Variants in ZFHX4 observed in about 807,000 individuals in gnomAD.
ZFHX4 encodes the protein zinc finger homeobox protein 4.
ZFHX4 carries 56 observed loss-of-function variants against 267.6 expected under a neutral mutation model. That is an observed-to-expected ratio of 0.21 (90% confidence interval 0.17 to 0.26). ZFHX4 has a LOEUF of 0.26. Among genes scored for constraint, ZFHX4 ranks in the 10% least tolerant of loss-of-function variants. The pLI is 1.00. For missense variants in ZFHX4, 4,332 were observed against 4,420.0 expected (o/e 0.98, Z 0.56); for synonymous variants, 1,778 against 1,665.6 (o/e 1.07, Z -1.64).
chr8:76,775,671 C>A (rs1029162410), intron 3 of ZFHX4, among the ~76,000 whole-genome samples: 2 of 152,132 alleles, frequency 1.3e-5, no homozygotes, highest in African/African-American at 4.8e-5. Context: ...CACCTGCAGG[C>A]TTCCTGGCAC....
At chr8:76,706,786 A>C (rs1378498044) in intron 2 of ZFHX4, 108 bp downstream of exon 2, 2 of 1,195,616 alleles carry the variant, frequency 1.7e-6, no homozygotes, top group African/African-American at 1.5e-5. Context: ...AGGACAGCTT[A>C]CTAGAAAGGA....
intron 4 of ZFHX4, among the ~76,000 whole-genome samples, chr8:76,783,214 G>A (rs879574146): frequency 1.3e-5 from 2 of 152,020 alleles, no homozygotes; most frequent in Non-Finnish European, 2.9e-5. Context: ...ATCTTCCACA[G>A]AGTGCTGGAA....
At position 76,681,260 on chromosome 8, in the gene ZFHX4, C is replaced by A. The variant is rs1480689089; in HGVS notation, c.-407C>A. ...TCGGGAATAGACACACAAAGACATG[C>A]GCACTCAACTTAATCAGCCATTTTT... On this transcript the variant is annotated 5_prime_UTR_variant, in exon 1 of 11. Coordinates refer to ENST00000651372, the MANE Select transcript of ZFHX4 (RefSeq NM_024721.5). 1 of 397,528 alleles carries A rather than the reference C, an allele frequency of 2.5e-6. No individual in the cohort carries two copies. Among genetic ancestry groups the A allele is most frequent in the Non-Finnish European group, 4.4e-6 (1 of 225,506 alleles). 24.6% of individuals were successfully genotyped at this position (397,528 alleles called of 1,614,324 possible).
intron 5 of ZFHX4, among the ~76,000 whole-genome samples, chr8:76,842,280 T>C (rs1812254517): frequency 6.6e-6 from 1 of 152,208 alleles, no homozygotes; most frequent in African/African-American, 2.4e-5. Flanking sequence ...GTTTTCTTTT[T>C]CCTGACATCT....
rs755881840 is a variant in ZFHX4, at chr8:76,855,614, G to T, written c.8693G>T (p.Arg2898Leu). Residue 2898 changes from arginine (R) to leucine (L), a missense_variant, in exon 10 of 11, where the codon CGC (arginine) becomes CTC (leucine). Arg to Leu is a moderately radical substitution (Grantham distance 102). This residue lies in a region of ZFHX4 where 1,648 missense variants were observed against 1,625.0 expected (regional missense o/e 1.01). Transcript: ENST00000651372. Reference sequence around the variant, plus strand: ...GATGACCCGGATGACAACGCCGACCGCAGCGAAACGTCCAGCATAGCGGAC... The same window carrying T: ...GATGACCCGGATGACAACGCCGACCTCAGCGAAACGTCCAGCATAGCGGAC... ...ITDDPDDNAD[R>L]SETSSIADPS... The T allele has an allele frequency of 1.4e-5, 22 of 1,613,552 alleles. No individual in the cohort carries two copies. The highest frequency in any genetic ancestry group is 1.8e-5 in the Non-Finnish European group (21 of 1,179,736).
At chr8:76,782,663 A>T (rs1002970914) in intron 4 of ZFHX4, among the ~76,000 whole-genome samples, 4 of 151,998 alleles carry the variant, frequency 2.6e-5, no homozygotes, top group African/African-American at 9.7e-5. Context: ...GACTATCGAC[A>T]TTCCTGACAT....
At position 76,724,483 on chromosome 8, in the gene ZFHX4, G is replaced by A. The variant is rs79273301; in HGVS notation, c.3093+16435G>A. ...GTTTTGCCTCTTAGGACAAGAGTCT[G>A]ACATGTTTTGATATACAAAAATCTC... On this transcript the variant is annotated intron_variant, in intron 3 of 10. Transcript: ENST00000651372. Among the ~76,000 whole-genome samples the A allele has an allele frequency of 0.018, 2,664 of 152,108 alleles. 170 individuals are homozygous for A. The East Asian group carries it at 0.23, about 13-fold the overall frequency.
intron 5 of ZFHX4, among the ~76,000 whole-genome samples, chr8:76,835,278 A>C (rs1269332422): frequency 1.3e-5 from 1 of 75,874 alleles, no homozygotes; most frequent in East Asian, 5.4e-4. Context: ...TATATTTGTT[A>C]AAAATGGCAG....
At chr8:76,722,366 A>G (rs1193503076) in intron 3 of ZFHX4, among the ~76,000 whole-genome samples, 1 of 152,048 alleles carries the variant, frequency 6.6e-6, no homozygotes, top group Non-Finnish European at 1.5e-5. Flanking sequence ...ATTTATGTCT[A>G]TGAACACTTG....
chr8:76,835,913 T>A (rs1223828531), intron 5 of ZFHX4, among the ~76,000 whole-genome samples: 3 of 152,176 alleles, frequency 2.0e-5, no homozygotes, highest in African/African-American at 7.2e-5. Flanking sequence ...GATGTTTTCA[T>A]CTAGATGTTC....
intron 3 of ZFHX4, among the ~76,000 whole-genome samples, chr8:76,750,680 A>G (rs1440012668): frequency 2.0e-5 from 3 of 152,000 alleles, no homozygotes; most frequent in African/African-American, 7.2e-5. Context: ...AAATATTTCT[A>G]TTTATCTCAT....
chr8:76,831,556 A>G (rs1001390835), intron 4 of ZFHX4, among the ~76,000 whole-genome samples: 1 of 152,228 alleles, frequency 6.6e-6, no homozygotes, highest in African/African-American at 2.4e-5. Flanking sequence ...AGTATTTTGT[A>G]TCAAAGTGTC....
intron 3 of ZFHX4, among the ~76,000 whole-genome samples, chr8:76,772,984 A>T (rs1001473449): frequency 6.6e-6 from 1 of 152,124 alleles, no homozygotes. Context: ...TACAGGAAAA[A>T]CCTCGTTGTA....
In ZFHX4 at chr8:76,842,709, A is replaced by G. The variant is rs754753582; in HGVS notation, c.3449A>G (p.Asp1150Gly). The G allele has an allele frequency of 1.0e-5, 16 of 1,554,728 alleles. No individual in the cohort carries two copies. The highest frequency in any genetic ancestry group is 1.3e-5 in the Non-Finnish European group (15 of 1,148,868). Residue 1150 changes from aspartate to glycine, a missense_variant, in exon 6 of 11, where the codon GAC becomes GGC. This residue lies in a region of ZFHX4 where 1,371 missense variants were observed against 1,423.1 expected (regional missense o/e 0.96). Transcript: ENST00000651372. Reference sequence around the variant, plus strand: ...ATTAAGCCTACAGCAGTGGCCGAGGACGATGAAAAAGACACAAGTGAGAGA... The same window carrying G: ...ATTAAGCCTACAGCAGTGGCCGAGGGCGATGAAAAAGACACAAGTGAGAGA... ...GAIKPTAVAE[D>G]DEKDTSERDN...
At chr8:76,840,713 C>T (rs1187261172) in intron 5 of ZFHX4, among the ~76,000 whole-genome samples, 1 of 152,148 alleles carries the variant, frequency 6.6e-6, no homozygotes, top group Non-Finnish European at 1.5e-5. Flanking sequence ...AAATCTACTC[C>T]AAGAATTCCT....
intron 4 of ZFHX4, among the ~76,000 whole-genome samples, chr8:76,810,019 T>A (rs1272649622): frequency 9.3e-5 from 14 of 151,268 alleles, no homozygotes; most frequent in Non-Finnish European, 4.4e-5. Flanking sequence ...TCCTTCCCCA[T>A]TTTTTTGAAG....
intron 3 of ZFHX4, among the ~76,000 whole-genome samples, chr8:76,748,066 T>A (rs1585905759): frequency 6.6e-6 from 1 of 152,270 alleles, no homozygotes; most frequent in East Asian, 1.9e-4. Flanking sequence ...AATTTTAAAA[T>A]GCTTTTATAA....
At chr8:76,849,274 C>G (rs1253677689) in intron 7 of ZFHX4, 146 bp downstream of exon 7, 1 of 1,008,534 alleles carries the variant, frequency 9.9e-7, no homozygotes, top group Non-Finnish European at 1.4e-6. Context: ...CTCTAATGTT[C>G]TAAAGTCATC....
rs374773142 is a variant in ZFHX4 at position 76,849,557 on chromosome 8, C to T, written c.3691C>T (p.Arg1231Cys). The change falls in exon 8 of 11, where the codon CGT becomes TGT. Residue 1231 changes from arginine (R) to cysteine (C), a missense_variant. Arg to Cys is a radical substitution (Grantham distance 180, BLOSUM62 -3). Transcript: ENST00000651372. The stretch of plus-strand genomic sequence containing the variant: ...TAACTACAATAGTAGGGACCAAAGT[C>T]GTATCCAGATGCACGTCCTATCACA... ...YCNYNSRDQS[R>C]IQMHVLSQHS... 3 of 1,613,820 alleles carry T rather than the reference C, an allele frequency of 1.9e-6. No homozygotes were observed. Among genetic ancestry groups the T allele is most frequent in the East Asian group, 2.2e-5 (1 of 44,890 alleles).
Sources: allele counts gnomAD v4.1 joint callset (sites outside exome capture counted in the v4.1 genomes callset), GRCh38; gene constraint gnomAD v4.1.1; regional missense constraint gnomAD v4.1.1; transcripts MANE v1.5; gene names NCBI Gene and HGNC (gene_info 2026-07-23, HGNC 2026-07-21).